CTNNA2: variants seen among roughly 807,000 people sequenced by gnomAD.
CTNNA2 encodes catenin alpha-2.
CTNNA2 carries 42 observed loss-of-function variants against 101.0 expected under a neutral mutation model. The observed-to-expected ratio is 0.42, with a 90% CI of 0.32 to 0.54. The LOEUF is 0.54. CTNNA2 is among the 20% of genes least tolerant of loss of function. CTNNA2 has a pLI of 0.14. For missense variants in CTNNA2, 871 were observed against 1,223.1 expected (o/e 0.71, Z 4.29); for synonymous variants, 450 against 456.4 (o/e 0.99, Z 0.18).
chr2:79,215,845 A>G (rs1272760524), intron 2 of CTNNA2, among the ~76,000 whole-genome samples: 2 of 152,070 alleles, frequency 1.3e-5, no homozygotes, highest in Non-Finnish European at 2.9e-5. Flanking sequence ...TATAGGGTGG[A>G]GGAGCAGAGG....
chr2:79,672,293 T>C, intron 2 of CTNNA2, among the ~76,000 whole-genome samples: 1 of 152,120 alleles, frequency 6.6e-6, no homozygotes, highest in East Asian at 1.9e-4. Flanking sequence ...AAAATATATT[T>C]CTCTAGAAAC....
intron 4 of CTNNA2, among the ~76,000 whole-genome samples, chr2:79,374,235 T>C (rs1677935172): frequency 6.6e-6 from 1 of 152,174 alleles, no homozygotes; most frequent in Non-Finnish European, 1.5e-5. Context: ...GTCTAGTGCA[T>C]AACAATGCAT....
rs1558587426 is a variant in CTNNA2 at position 79,251,977 on chromosome 2, TAC to T, written c.-406+53905_-406+53906del. Among the ~76,000 whole-genome samples, 4 of 152,190 alleles carry T rather than the reference TAC, an allele frequency of 2.6e-5. 1 individual carries two copies. In the South Asian group the frequency reaches 8.3e-4, roughly 32 times the overall value. On this transcript the variant is annotated intron_variant, in intron 2 of 21. Transcript: ENST00000466387. ...TGGAAGTGGTCTGGGGCAGGAATAA[TAC>T]ACAGTCTCAGCTCTCAGTTGGTCAG...
intron 4 of CTNNA2, among the ~76,000 whole-genome samples, chr2:79,374,277 T>C (rs1677936254): frequency 6.6e-6 from 1 of 152,152 alleles, no homozygotes; most frequent in Non-Finnish European, 1.5e-5. Flanking sequence ...TCTTGTTTTC[T>C]AAAATTAACA....
At chr2:79,988,285 A>G (rs1481090456) in intron 7 of CTNNA2, among the ~76,000 whole-genome samples, 19 of 152,190 alleles carry the variant, frequency 1.2e-4, no homozygotes, top group Admixed American at 1.2e-3. Flanking sequence ...AGCTTAGACT[A>G]TCGCCACCAT....
intron 6 of CTNNA2, among the ~76,000 whole-genome samples, chr2:79,889,366 T>G (rs1684142254): frequency 6.6e-6 from 1 of 152,200 alleles, no homozygotes; most frequent in South Asian, 2.1e-4. Context: ...TTTTTCTGAT[T>G]GTATAAATTC....
At chr2:79,306,730 A>G (rs1445329035) in intron 2 of CTNNA2, among the ~76,000 whole-genome samples, 4 of 152,240 alleles carry the variant, frequency 2.6e-5, no homozygotes, top group South Asian at 4.1e-4. Flanking sequence ...GCTCTCCAGA[A>G]TAACTATAAT....
intron 9 of CTNNA2, among the ~76,000 whole-genome samples, chr2:80,520,304 C>A (rs1689431566): frequency 6.6e-6 from 1 of 151,838 alleles, no homozygotes; most frequent in South Asian, 2.1e-4. Flanking sequence ...TGTGCCATCC[C>A]CTTTTCATTA....
chr2:79,860,549 T>TTTTTTTGTTTG (rs1681529218), intron 4 of CTNNA2, among the ~76,000 whole-genome samples: 1 of 148,400 alleles, frequency 6.7e-6, no homozygotes, highest in Non-Finnish European at 1.5e-5. Flanking sequence ...AAGGGAAGTT[T>TTTTTTTGTTTG]TTTTTTTTTT....
chr2:79,491,697 C>G (rs756107228), intron 4 of CTNNA2, among the ~76,000 whole-genome samples: 1 of 152,130 alleles, frequency 6.6e-6, no homozygotes, highest in Non-Finnish European at 1.5e-5. Flanking sequence ...AGGATCACAT[C>G]ACTGTAGAAG....
chr2:80,579,393 T>G (rs551613807), intron 13 of CTNNA2: 1 of 152,274 alleles, frequency 6.6e-6, no homozygotes, highest in African/African-American at 2.4e-5. Flanking sequence ...ACTTTTTCTC[T>G]TTCAAGAACT....
chr2:79,822,734 C>T (rs893863185), intron 3 of CTNNA2, among the ~76,000 whole-genome samples: 2 of 152,198 alleles, frequency 1.3e-5, no homozygotes, highest in East Asian at 1.9e-4. Context: ...TTTCTCTACA[C>T]TGTAACCAAA....
At chr2:79,235,987 G>C (rs774390989) in intron 2 of CTNNA2, among the ~76,000 whole-genome samples, 2 of 152,200 alleles carry the variant, frequency 1.3e-5, no homozygotes, top group Non-Finnish European at 2.9e-5. Context: ...AGCTCTAGCA[G>C]GTGTGGCCTG....
chr2:79,260,895 T>C (rs1170904937), intron 2 of CTNNA2, among the ~76,000 whole-genome samples: 1 of 152,156 alleles, frequency 6.6e-6, no homozygotes, highest in African/African-American at 2.4e-5. Context: ...TAATGGTAGA[T>C]ATTTTATATA....
At chr2:80,432,954 C>T (rs1039467600) in intron 9 of CTNNA2, among the ~76,000 whole-genome samples, 5 of 152,072 alleles carry the variant, frequency 3.3e-5, no homozygotes, top group Non-Finnish European at 7.3e-5. Context: ...AATGTCATGA[C>T]AGTTTCTGCA....
chr2:79,895,182 T>G (rs915460498), intron 6 of CTNNA2, among the ~76,000 whole-genome samples: 12 of 152,312 alleles, frequency 7.9e-5, no homozygotes, highest in Admixed American at 5.9e-4. Context: ...ACATTCTCAT[T>G]AAGCAAAAAG....
chr2:80,498,554 A>G (rs1687640707), intron 9 of CTNNA2, among the ~76,000 whole-genome samples: 1 of 152,214 alleles, frequency 6.6e-6, no homozygotes, highest in Admixed American at 6.5e-5. Flanking sequence ...GAGTGAATAC[A>G]TGAAGATGCC....
chr2:79,824,791 A>C (rs924293189), intron 3 of CTNNA2, among the ~76,000 whole-genome samples: 3 of 152,220 alleles, frequency 2.0e-5, no homozygotes, highest in Non-Finnish European at 2.9e-5. Context: ...CTAAATCATC[A>C]AAAAAGTTCC....
chr2:80,303,911 C>G lies in CTNNA2; in HGVS notation c.1057-89300C>G. ...ATATTTTATTCCGAGGGAGGGGAAGCGGGGGAGGGGGAGAAAAGGGCAAAA... is the reference window on the plus strand; with the variant it reads ...ATATTTTATTCCGAGGGAGGGGAAGGGGGGGAGGGGGAGAAAAGGGCAAAA... On this transcript the variant is annotated intron_variant, in intron 7 of 18. Coordinates refer to ENST00000402739, the MANE Select transcript of CTNNA2 (RefSeq NM_001282597.3). The surrounding 1 kb of genome is among the most constrained non-coding windows in gnomAD (Gnocchi z 7.7). 1 of 1,383,914 alleles carries G rather than the reference C, an allele frequency of 7.2e-7. No individual in the cohort carries two copies. The highest frequency in any genetic ancestry group is 9.4e-7 in the Non-Finnish European group (1 of 1,058,714). The allele number at this position is 1,383,914 out of a possible 1,614,324, so 85.7% of individuals were successfully genotyped here.
Sources: allele counts gnomAD v4.1 joint callset (sites outside exome capture counted in the v4.1 genomes callset), GRCh38; gene constraint gnomAD v4.1.1; non-coding constraint Gnocchi (gnomAD v3.1); transcripts MANE v1.5; gene names NCBI Gene and HGNC (gene_info 2026-07-23, HGNC 2026-07-21).